The following NELL2 variants were observed in gnomAD, a reference collection of about 807,000 sequenced individuals.
The protein encoded by NELL2 is protein kinase C-binding protein NELL2.
In NELL2, 41 loss-of-function variants were observed where a neutral mutation model predicts 109.6. The ratio of observed to expected loss-of-function variants is 0.37; its 90% CI spans 0.29 to 0.49. The LOEUF (loss-of-function observed/expected upper bound fraction) is 0.49, where lower values mean the gene tolerates loss of function less well. Among genes scored for constraint, NELL2 ranks in the 20% least tolerant of loss-of-function variants. NELL2 has a pLI of 0.98. For missense variants in NELL2, 900 were observed against 1,008.3 expected (o/e 0.89, Z 1.45); for synonymous variants, 355 against 344.7 (o/e 1.03, Z -0.33).
intron 15 of NELL2, among the ~76,000 whole-genome samples, chr12:44,546,364 T>C (rs949413226): frequency 6.6e-6 from 1 of 152,158 alleles, no homozygotes; most frequent in Non-Finnish European, 1.5e-5. Context: ...TGACAGACTG[T>C]CTACTTTAAG....
intron 2 of NELL2, among the ~76,000 whole-genome samples, 164 bp from the exon 3 acceptor site, chr12:44,816,300 T>C (rs1044230494): frequency 1.3e-5 from 2 of 152,218 alleles, no homozygotes; most frequent in South Asian, 2.1e-4. Flanking sequence ...GACTTTATGC[T>C]ATATATAATA....
chr12:44,640,221 A>G (rs1946801679), intron 13 of NELL2, among the ~76,000 whole-genome samples: 2 of 152,196 alleles, frequency 1.3e-5, no homozygotes, highest in Non-Finnish European at 2.9e-5. Context: ...ATTTAAATTT[A>G]TTGCACACTT....
intron 2 of NELL2, among the ~76,000 whole-genome samples, chr12:44,824,541 T>C (rs1943644982): frequency 6.6e-6 from 1 of 152,132 alleles, no homozygotes; most frequent in Admixed American, 6.5e-5. Context: ...GCACTTTTGT[T>C]GAAAATCAAT....
At chr12:44,704,020 ACTT>A (rs754253181) in intron 11 of NELL2, among the ~76,000 whole-genome samples, 166 bp from the exon 12 acceptor site, 11 of 152,048 alleles carry the variant, frequency 7.2e-5, no homozygotes, top group South Asian at 6.2e-4. Flanking sequence ...AGTACCAAAA[ACTT>A]CTTCTTTATG....
intron 12 of NELL2, among the ~76,000 whole-genome samples, chr12:44,698,971 G>A (rs1021739462): frequency 3.3e-5 from 5 of 152,090 alleles, no homozygotes; most frequent in African/African-American, 1.2e-4. Context: ...GACTCCAGAA[G>A]CCACCATCTA....
At chr12:44,612,961 C>A (rs549877883) in intron 13 of NELL2, among the ~76,000 whole-genome samples, 108 of 152,088 alleles carry the variant, frequency 7.1e-4, no homozygotes, top group South Asian at 2.7e-3. Context: ...GTCATTTACT[C>A]TCATGGGTAC....
At chr12:44,866,877 G>T (rs983888688) in intron 2 of NELL2, among the ~76,000 whole-genome samples, 3 of 151,904 alleles carry the variant, frequency 2.0e-5, no homozygotes, top group Non-Finnish European at 4.4e-5. Context: ...AAACTTAGAA[G>T]TTTAAGTGTA....
chr12:44,898,854 C>A (rs370309639), intron 1 of NELL2, among the ~76,000 whole-genome samples: 1 of 151,966 alleles, frequency 6.6e-6, no homozygotes, highest in Non-Finnish European at 1.5e-5. Context: ...AAGCTAAGAA[C>A]CTTGATAAAG....
At chr12:44,666,888 T>C (rs902733905) in intron 12 of NELL2, among the ~76,000 whole-genome samples, 1 of 152,212 alleles carries the variant, frequency 6.6e-6, no homozygotes, top group Non-Finnish European at 1.5e-5. Context: ...CTACCTGCTC[T>C]TTCTTACCTA....
intron 9 of NELL2, among the ~76,000 whole-genome samples, chr12:44,767,606 T>C (rs1341153635): frequency 6.6e-6 from 1 of 152,118 alleles, no homozygotes; most frequent in Non-Finnish European, 1.5e-5. Flanking sequence ...TCATAACAAA[T>C]GTATAAATTA....
chr12:44,657,058 A>G (rs1243333976), intron 13 of NELL2, among the ~76,000 whole-genome samples: 1 of 152,226 alleles, frequency 6.6e-6, no homozygotes, highest in Non-Finnish European at 1.5e-5. Flanking sequence ...ATGGGTTACA[A>G]CTGACTTAAA....
At chr12:44,711,578 A>C (rs1938206167) in intron 10 of NELL2, among the ~76,000 whole-genome samples, 184 bp from the exon 11 acceptor site, 1 of 152,112 alleles carries the variant, frequency 6.6e-6, no homozygotes, top group Non-Finnish European at 1.5e-5. Context: ...CTTTAGAATA[A>C]GCAAGTCTTT....
Position 44,522,014 on chromosome 12 carries a change from G to A in NELL2, c.2161C>T (p.Gln721Ter). The change falls in exon 18 of 20, where the codon CAG becomes TAG. Residue 721 changes from glutamine (Q) to a stop codon, truncating the protein, a stop_gained. Coordinates refer to ENST00000429094, the MANE Select transcript of NELL2 (RefSeq NM_001145108.2). LOFTEE classifies it high-confidence loss of function. ...GCTAAATTTACCAAGCAGCGGCACT[G>A]TTGACAATTCTGGACCCAGGTGTCA... ...SGDTWVQNCQ[Q>*]CRCLQGEVDC... 1 of 1,613,574 alleles carries A rather than the reference G, an allele frequency of 6.2e-7. No homozygotes were observed.
At chr12:44,787,295 T>C (rs1942214243) in intron 3 of NELL2, among the ~76,000 whole-genome samples, 1 of 152,014 alleles carries the variant, frequency 6.6e-6, no homozygotes, top group Non-Finnish European at 1.5e-5. Context: ...TGAATAAATA[T>C]ACCATATGCA....
intron 9 of NELL2, among the ~76,000 whole-genome samples, chr12:44,729,329 CA>C (rs1276694792): frequency 6.6e-6 from 1 of 151,316 alleles, no homozygotes; most frequent in Non-Finnish European, 1.5e-5. Flanking sequence ...GTAACAACAA[CA>C]AAAATTCCTA....
At chr12:44,631,492 A>G (rs991415570) in intron 13 of NELL2, among the ~76,000 whole-genome samples, 6 of 152,072 alleles carry the variant, frequency 3.9e-5, no homozygotes, top group African/African-American at 7.2e-5. Flanking sequence ...TTCATTAGTC[A>G]TGGACATAAA....
At chr12:44,900,779 A>G (rs138276505) in intron 1 of NELL2, among the ~76,000 whole-genome samples, 1,602 of 152,258 alleles carry the variant, frequency 0.011, 31 homozygotes, top group East Asian at 0.048. Context: ...TCACAAGGTC[A>G]AGAGATCGAG....
At chr12:44,898,503 C>T (rs1190444368) in intron 1 of NELL2, among the ~76,000 whole-genome samples, 1 of 152,154 alleles carries the variant, frequency 6.6e-6, no homozygotes, top group Non-Finnish European at 1.5e-5. Context: ...AGCAGACCTG[C>T]AGAAGAGGGT....
intron 15 of NELL2, among the ~76,000 whole-genome samples, chr12:44,559,129 G>A (rs536494959): frequency 6.6e-6 from 1 of 152,134 alleles, no homozygotes; most frequent in Non-Finnish European, 1.5e-5. Flanking sequence ...AGCAAATGCC[G>A]AGAGATTTTG....
Sources: gnomAD v4.1 joint callset for allele counts (sites outside exome capture counted in the v4.1 genomes callset) on GRCh38, gnomAD v4.1.1 for gene constraint, MANE v1.5 for transcripts, NCBI Gene and HGNC (gene_info 2026-07-23, HGNC 2026-07-21) for gene names.